Variants in CCSER1 observed in about 807,000 individuals in gnomAD.
The protein encoded by CCSER1 is serine-rich coiled-coil domain-containing protein 1.
Under a neutral mutation model 82.0 loss-of-function variants are expected in CCSER1, and 41 were observed. The observed-to-expected ratio is 0.50, with a 90% CI of 0.39 to 0.65. The LOEUF (loss-of-function observed/expected upper bound fraction) is 0.65. Ranked by LOEUF, CCSER1 falls within the 30% of genes least tolerant of loss-of-function variation. The pLI, the probability that CCSER1 is intolerant of heterozygous loss-of-function variation, is 0.00. For missense variants in CCSER1, 1,119 were observed against 1,064.2 expected, an observed-to-expected ratio of 1.05 and a Z score of -0.72; for synonymous variants, 414 against 383.9, an observed-to-expected ratio of 1.08 and a Z score of -0.92.
intron 10 of CCSER1, among the ~76,000 whole-genome samples, chr4:91,405,244 T>G (rs1411028279): frequency 6.6e-6 from 1 of 152,044 alleles, no homozygotes; most frequent in African/African-American, 2.4e-5. Flanking sequence ...TGTTTTCCAT[T>G]TGCTTGGCCA....
At chr4:90,788,688 C>T (rs2149648543) in intron 7 of CCSER1, among the ~76,000 whole-genome samples, 1 of 152,292 alleles carries the variant, frequency 6.6e-6, no homozygotes, top group Non-Finnish European at 1.5e-5. Context: ...TATATCCTGA[C>T]TTACCAGGAG....
intron 10 of CCSER1, among the ~76,000 whole-genome samples, chr4:91,335,381 C>G (rs1379934778): frequency 6.6e-6 from 1 of 152,006 alleles, no homozygotes; most frequent in East Asian, 1.9e-4. Context: ...TTACCTGTTC[C>G]AGGAAGAGAA....
intron 10 of CCSER1, among the ~76,000 whole-genome samples, chr4:91,089,575 T>C (rs1199615993): frequency 6.6e-6 from 1 of 152,202 alleles, no homozygotes; most frequent in Non-Finnish European, 1.5e-5. Flanking sequence ...GTGCAATAGA[T>C]TGATAGTGAT....
chr4:91,056,129 T>A (rs1046350247), intron 9 of CCSER1, among the ~76,000 whole-genome samples: 1 of 152,148 alleles, frequency 6.6e-6, no homozygotes, highest in African/African-American at 2.4e-5. Flanking sequence ...TCTTTGAGCA[T>A]CTTTAAGGTA....
At chr4:90,195,238 A>G (rs1736380893) in intron 1 of CCSER1, among the ~76,000 whole-genome samples, 1 of 152,078 alleles carries the variant, frequency 6.6e-6, no homozygotes, top group Non-Finnish European at 1.5e-5. Flanking sequence ...ATTAAGTGTG[A>G]CCCATCCAGA....
At chr4:91,433,034 A>C (rs1346756916) in intron 10 of CCSER1, among the ~76,000 whole-genome samples, 3 of 152,158 alleles carry the variant, frequency 2.0e-5, no homozygotes, top group Non-Finnish European at 4.4e-5. Context: ...TGACTGAGAA[A>C]TACTAGGTTG....
At chr4:90,842,041 A>C (rs1172599649) in intron 8 of CCSER1, among the ~76,000 whole-genome samples, 3 of 150,298 alleles carry the variant, frequency 2.0e-5, no homozygotes, top group Admixed American at 2.0e-4. Context: ...TTTTTTTCCC[A>C]TTAAAAAACA....
chr4:90,560,913 A>G (rs1046970892), intron 5 of CCSER1, among the ~76,000 whole-genome samples: 7 of 152,230 alleles, frequency 4.6e-5, no homozygotes, highest in Non-Finnish European at 7.3e-5. Flanking sequence ...AAAATAAAAC[A>G]AAGCTTCCCT....
At chr4:90,697,999 T>C (rs978786792) in intron 6 of CCSER1, among the ~76,000 whole-genome samples, 4 of 152,144 alleles carry the variant, frequency 2.6e-5, no homozygotes, top group Admixed American at 2.6e-4. Context: ...AGGGAAGTTT[T>C]CATGGAGGAT....
intron 5 of CCSER1, among the ~76,000 whole-genome samples, chr4:90,490,439 T>C (rs1338846632): frequency 6.6e-6 from 1 of 152,120 alleles, no homozygotes; most frequent in Non-Finnish European, 1.5e-5. Context: ...GTGAGATGAG[T>C]AGATTGCAAA....
chr4:91,217,847 C>T (rs1318291323), intron 10 of CCSER1, among the ~76,000 whole-genome samples: 1 of 152,236 alleles, frequency 6.6e-6, no homozygotes, highest in Non-Finnish European at 1.5e-5. Context: ...ATTTACAATC[C>T]CTGAACTAGA....
chr4:90,489,776 T>A (rs1036060830), intron 5 of CCSER1, among the ~76,000 whole-genome samples: 1 of 152,028 alleles, frequency 6.6e-6, no homozygotes, highest in African/African-American at 2.4e-5. Context: ...GCGGTGTTTG[T>A]TTTTTTGTCC....
intron 7 of CCSER1, among the ~76,000 whole-genome samples, chr4:90,800,322 C>T (rs1756632542): frequency 6.6e-6 from 1 of 152,064 alleles, no homozygotes; most frequent in Non-Finnish European, 1.5e-5. Flanking sequence ...AGGCTGGTCT[C>T]ATACTCTTGG....
intron 10 of CCSER1, among the ~76,000 whole-genome samples, chr4:91,223,643 A>G (rs1737926157): frequency 6.6e-6 from 1 of 152,122 alleles, no homozygotes; most frequent in Non-Finnish European, 1.5e-5. Context: ...ATGGGTAGTG[A>G]GAAGGTATAT....
chr4:91,298,405 T>C (rs1279354469), intron 10 of CCSER1, among the ~76,000 whole-genome samples: 6 of 152,006 alleles, frequency 3.9e-5, no homozygotes, highest in Non-Finnish European at 8.8e-5. Flanking sequence ...TGGGAGCCTA[T>C]GTGTCAGCCA....
intron 6 of CCSER1, among the ~76,000 whole-genome samples, chr4:90,670,447 T>C (rs1466468357): frequency 6.6e-6 from 1 of 152,120 alleles, no homozygotes; most frequent in Non-Finnish European, 1.5e-5. Flanking sequence ...GCATGACTTT[T>C]ACCATATAAT....
intron 1 of CCSER1, among the ~76,000 whole-genome samples, chr4:90,240,212 T>G (rs1448540940): frequency 6.6e-6 from 1 of 152,116 alleles, no homozygotes; most frequent in Non-Finnish European, 1.5e-5. Flanking sequence ...TCAGAGGACA[T>G]GAGCACCCTC....
intron 10 of CCSER1, among the ~76,000 whole-genome samples, chr4:91,438,638 A>T (rs139653818): frequency 0.047 from 7,091 of 152,326 alleles, 596 homozygotes; most frequent in African/African-American, 0.16. Context: ...ATGGAGAATG[A>T]CTTTGACAAG....
chr4:91,401,838 T>C (rs1287046124), intron 10 of CCSER1, among the ~76,000 whole-genome samples: 1 of 152,186 alleles, frequency 6.6e-6, no homozygotes, highest in East Asian at 1.9e-4. Flanking sequence ...TTTGCTATTG[T>C]GAATAGTGCC....
Sources: gnomAD v4.1 joint callset for allele counts (sites outside exome capture counted in the v4.1 genomes callset) on GRCh38, gnomAD v4.1.1 for gene constraint, MANE v1.5 for transcripts, NCBI Gene and HGNC (gene_info 2026-07-23, HGNC 2026-07-21) for gene names.